The following SLC8A1 variants were observed in gnomAD, a reference collection of about 807,000 sequenced individuals.
The protein encoded by SLC8A1 is solute carrier family 8 member A1, also known as sodium/calcium exchanger 1.
In SLC8A1, 18 loss-of-function variants were observed where a neutral mutation model predicts 68.3. The ratio of observed to expected loss-of-function variants is 0.26; its 90% CI spans 0.18 to 0.39. The LOEUF (loss-of-function observed/expected upper bound fraction) is 0.39. Among genes scored for constraint, SLC8A1 ranks in the 10% least tolerant of loss-of-function variants. The probability of loss-of-function intolerance (pLI) is 1.00; values close to 1 mark genes in which losing one functional copy is unlikely to be tolerated. For synonymous variants in SLC8A1, 475 were observed against 415.5 expected (o/e 1.14, Z -1.74); for missense variants, 985 against 1,156.7 (o/e 0.85, Z 2.15).
chr2:40,232,658 G>C (rs552427832), intron 2 of SLC8A1, among the ~76,000 whole-genome samples: 99 of 136,502 alleles, frequency 7.3e-4, no homozygotes, highest in African/African-American at 2.6e-3. Context: ...GTGCAGGTTA[G>C]TTACATACGT....
chr2:40,363,268 G>A (rs1675123604), intron 2 of SLC8A1, among the ~76,000 whole-genome samples: 1 of 151,942 alleles, frequency 6.6e-6, no homozygotes, highest in South Asian at 2.1e-4. Flanking sequence ...AAAAGACTAA[G>A]AAACAACTGA....
intron 2 of SLC8A1, among the ~76,000 whole-genome samples, chr2:40,261,503 G>C (rs1242873511): frequency 6.6e-6 from 1 of 152,064 alleles, no homozygotes; most frequent in African/African-American, 2.4e-5. Context: ...GGCTGTTTTG[G>C]GTGACTTCAA....
intron 2 of SLC8A1, among the ~76,000 whole-genome samples, chr2:40,418,387 C>G (rs1217282688): frequency 6.6e-6 from 1 of 152,248 alleles, no homozygotes; most frequent in East Asian, 1.9e-4. Flanking sequence ...AAGGGTTCTT[C>G]TTTGCATAAT....
intron 2 of SLC8A1, among the ~76,000 whole-genome samples, chr2:40,360,886 T>C (rs1424631159): frequency 2.6e-5 from 4 of 152,078 alleles, no homozygotes; most frequent in Admixed American, 6.6e-5. Context: ...CACCTCCTTG[T>C]AAATCTAGAA....
At chr2:40,392,200 G>GAAAAGA (rs768183280) in intron 2 of SLC8A1, among the ~76,000 whole-genome samples, 1 of 150,372 alleles carries the variant, frequency 6.7e-6, no homozygotes, top group South Asian at 2.1e-4. Flanking sequence ...AAAAAAGAAA[G>GAAAAGA]AAAAGAAAAA....
At chr2:40,147,322 T>C (rs773446705) in intron 6 of SLC8A1, among the ~76,000 whole-genome samples, 1 of 152,206 alleles carries the variant, frequency 6.6e-6, no homozygotes, top group Non-Finnish European at 1.5e-5. Flanking sequence ...CTTGGTTGTT[T>C]ATAAAATAAC....
intron 2 of SLC8A1, among the ~76,000 whole-genome samples, chr2:40,202,187 A>G (rs1039489869): frequency 6.4e-4 from 98 of 152,088 alleles, no homozygotes; most frequent in African/African-American, 2.3e-3. Flanking sequence ...GAGTAGGTCA[A>G]AATGTTTAAA....
chr2:40,417,714 C>A (rs972512884), intron 2 of SLC8A1, among the ~76,000 whole-genome samples: 3 of 152,050 alleles, frequency 2.0e-5, no homozygotes, highest in African/African-American at 7.2e-5. Context: ...AAAGCGTGGG[C>A]CTTTAGTCTT....
intron 2 of SLC8A1, among the ~76,000 whole-genome samples, chr2:40,359,571 A>G (rs556458580): frequency 1.3e-5 from 2 of 152,296 alleles, no homozygotes; most frequent in East Asian, 1.9e-4. Context: ...GTACTGCATT[A>G]TAACAGTTTG....
At chr2:40,234,121 T>C (rs1347257963) in intron 2 of SLC8A1, among the ~76,000 whole-genome samples, 3 of 152,222 alleles carry the variant, frequency 2.0e-5, no homozygotes, top group African/African-American at 7.2e-5. Flanking sequence ...AGTACTTTTT[T>C]CCAATTCTGT....
Position 40,212,747 on chromosome 2 carries a change from C to T in SLC8A1, c.1809-34892G>A, listed in dbSNP as rs2056832062. ...TTTCTTTCTTCTTGCTTGCTCTTTT[C>T]TCTTTCTGCATCAACAATTTCAAAT... is the stretch of plus-strand genomic sequence containing the variant. On this transcript the variant is annotated intron_variant, in intron 2 of 7. Transcript: ENST00000406785. Among the ~76,000 whole-genome samples the T allele has an allele frequency of 3.3e-5, 5 of 152,232 alleles. No homozygotes were observed. The South Asian group carries it at 1.0e-3, about 31-fold the overall frequency.
intron 2 of SLC8A1, among the ~76,000 whole-genome samples, chr2:40,381,971 A>C (rs1177957940): frequency 1.3e-5 from 2 of 151,950 alleles, no homozygotes; most frequent in Non-Finnish European, 2.9e-5. Flanking sequence ...GATGGATTTG[A>C]GACTGATCTC....
intron 1 of SLC8A1, among the ~76,000 whole-genome samples, chr2:40,445,005 G>C (rs2149844359): frequency 6.6e-6 from 1 of 152,274 alleles, no homozygotes; most frequent in Middle Eastern, 3.4e-3. Context: ...GGGCACACAG[G>C]CAGGAACAAG....
rs1300556062 is a variant in SLC8A1, at chr2:40,232,751, CCG to C, written c.1809-54898_1809-54897del. On this transcript the variant is annotated intron_variant, in intron 2 of 7. Transcript: ENST00000406785. The stretch of plus-strand genomic sequence containing the variant: ...ATCTCCCAGTGCTATCCCTCCCCCC[CCG>C]CCACCCCACAACAGTCCCCAGAGTG... 1.9e-3 allele frequency among the ~76,000 whole-genome samples: 165 copies of C among 87,230 alleles called. 8 individuals are homozygous for C. The highest frequency in any genetic ancestry group is 3.5e-3 in the African/African-American group (89 of 25,522). 57.2% of individuals were successfully genotyped at this position (87,230 alleles called of 152,430 possible).
At chr2:40,215,106 C>G (rs1187787610) in intron 2 of SLC8A1, among the ~76,000 whole-genome samples, 1 of 152,074 alleles carries the variant, frequency 6.6e-6, no homozygotes, top group Non-Finnish European at 1.5e-5. Flanking sequence ...ATTCTTTTCT[C>G]TGCTAAAGTA....
At chr2:40,509,606 C>T (rs752320957) in intron 1 of SLC8A1, among the ~76,000 whole-genome samples, 9 of 151,920 alleles carry the variant, frequency 5.9e-5, no homozygotes, top group Admixed American at 2.0e-4. Flanking sequence ...TCTTCCCCAT[C>T]GAATCCTCTA....
At chr2:40,440,357 C>A (rs1700238595) in intron 1 of SLC8A1, among the ~76,000 whole-genome samples, 1 of 152,058 alleles carries the variant, frequency 6.6e-6, no homozygotes, top group Non-Finnish European at 1.5e-5. Flanking sequence ...AAAAAAGTCA[C>A]TGGAGGAAGA....
intron 2 of SLC8A1, among the ~76,000 whole-genome samples, chr2:40,304,408 A>G (rs2072164187): frequency 6.6e-6 from 1 of 152,088 alleles, no homozygotes; most frequent in African/African-American, 2.4e-5. Context: ...TAATTACCAC[A>G]TTATCAAGTC....
At chr2:40,397,702 T>C (rs541672116) in intron 2 of SLC8A1, among the ~76,000 whole-genome samples, 3 of 152,138 alleles carry the variant, frequency 2.0e-5, no homozygotes, top group Non-Finnish European at 4.4e-5. Flanking sequence ...GCACAAAGCA[T>C]TCAGAAGTGG....
Sources: allele counts gnomAD v4.1 joint callset (sites outside exome capture counted in the v4.1 genomes callset), GRCh38; gene constraint gnomAD v4.1.1; transcripts MANE v1.5; gene names NCBI Gene and HGNC (gene_info 2026-07-23, HGNC 2026-07-21).